Variants in DPH6 observed in about 807,000 individuals in gnomAD.
DPH6 encodes diphthine--ammonia ligase.
DPH6 carries 33 observed loss-of-function variants against 38.2 expected under a neutral mutation model. That is an observed-to-expected ratio of 0.86 (90% CI 0.65 to 1.15). The LOEUF (loss-of-function observed/expected upper bound fraction) is 1.15. Among genes scored for constraint, DPH6 ranks in the 50% most tolerant of loss-of-function variants. The probability of loss-of-function intolerance (pLI) is 0.00; values close to 1 mark genes in which losing one functional copy is unlikely to be tolerated. For missense variants in DPH6, 325 were observed against 320.0 expected (o/e 1.02, Z -0.12); for synonymous variants, 108 against 103.0 (o/e 1.05, Z -0.30).
chr15:35,236,435 G>A (rs973407171), intron 3 of DPH6, among the ~76,000 whole-genome samples: 1 of 152,120 alleles, frequency 6.6e-6, no homozygotes, highest in Middle Eastern at 3.4e-3. Context: ...TCAGGAGATC[G>A]AGACCATCCG....
At chr15:35,480,415 C>T (rs1329616257) in intron 3 of DPH6, among the ~76,000 whole-genome samples, 1 of 151,986 alleles carries the variant, frequency 6.6e-6, no homozygotes, top group Non-Finnish European at 1.5e-5. Flanking sequence ...ACAAGCTTTC[C>T]AATATTTAAT....
chr15:35,414,477 A>G (rs2141000933), intron 5 of DPH6, among the ~76,000 whole-genome samples: 1 of 151,966 alleles, frequency 6.6e-6, no homozygotes, highest in South Asian at 2.1e-4. Context: ...GCACATGTTT[A>G]TTTTAATTAG....
At chr15:35,274,106 A>G (rs911213445) in intron 3 of DPH6, among the ~76,000 whole-genome samples, 1 of 152,236 alleles carries the variant, frequency 6.6e-6, no homozygotes, top group African/African-American at 2.4e-5. Context: ...CCACATGTCT[A>G]CAACCATCTG....
chr15:35,338,313 A>G (rs1038796845), intron 3 of DPH6, among the ~76,000 whole-genome samples: 152 of 152,124 alleles, frequency 1.0e-3, no homozygotes, highest in Middle Eastern at 3.4e-3. Flanking sequence ...AGAATCTACA[A>G]TGAACTCAAA....
chr15:35,506,455 C>CT (rs1324892234), intron 3 of DPH6, among the ~76,000 whole-genome samples: 2 of 152,108 alleles, frequency 1.3e-5, no homozygotes. Flanking sequence ...AAAGAAGAGT[C>CT]TGAGTGCCAG....
the DPH6 span, among the ~76,000 whole-genome samples, chr15:35,162,724 C>A: frequency 6.6e-6 from 1 of 151,850 alleles, no homozygotes; most frequent in Non-Finnish European, 1.5e-5. Flanking sequence ...AGATGTTTGT[C>A]TTTACCACTG....
intron 3 of DPH6, among the ~76,000 whole-genome samples, chr15:35,480,115 TG>T (rs2054309556): frequency 6.6e-6 from 1 of 151,926 alleles, no homozygotes; most frequent in Non-Finnish European, 1.5e-5. Context: ...TATTAAACTT[TG>T]AAAAAAAACA....
At chr15:35,402,540 A>T (rs2053234189) in intron 6 of DPH6, among the ~76,000 whole-genome samples, 1 of 152,178 alleles carries the variant, frequency 6.6e-6, no homozygotes, top group African/African-American at 2.4e-5. Flanking sequence ...ATAGTTCTAA[A>T]CCTTTAATAG....
In DPH6 at chr15:35,538,371, C is replaced by T. The variant is rs374490007; in HGVS notation, c.215G>A (p.Arg72Gln). Residue 72 changes from arginine (R) to glutamine (Q), a missense_variant, in exon 3 of 9, where the codon CGA (arginine) becomes CAA (glutamine). Transcript: ENST00000256538. Reference protein sequence around the residue: ...AEAMALPLYRRTIRGRSLDTR... With the variant: ...AEAMALPLYRQTIRGRSLDTR... ...ATCCAAGCTCCTTCCTCTTATGGTT[C>T]GGCGATAGAGGGGAAGAGCCATTGC... 6.1e-5 allele frequency: 98 copies of T among 1,611,572 alleles called. No homozygotes were observed. The highest frequency in any genetic ancestry group is 9.3e-5 in the African/African-American group (7 of 74,986).
chr15:35,516,839 C>T (rs1308271801), intron 3 of DPH6, among the ~76,000 whole-genome samples: 2 of 152,016 alleles, frequency 1.3e-5, no homozygotes, highest in Admixed American at 6.6e-5. Context: ...GAGGTGTCTG[C>T]CTCACTTTAA....
intron 3 of DPH6, among the ~76,000 whole-genome samples, chr15:35,333,159 A>G (rs1362064395): frequency 6.6e-6 from 1 of 152,194 alleles, no homozygotes; most frequent in Non-Finnish European, 1.5e-5. Context: ...CTAAAACTTA[A>G]AAAAGTGAGC....
chr15:35,283,200 TTC>T (rs2051913889), intron 3 of DPH6, among the ~76,000 whole-genome samples: 1 of 147,584 alleles, frequency 6.8e-6, no homozygotes, highest in South Asian at 2.3e-4. Flanking sequence ...TCTCTTCTTC[TTC>T]TTTCTTCCTC....
intron 3 of DPH6, among the ~76,000 whole-genome samples, chr15:35,337,785 T>C (rs1340771425): frequency 6.6e-6 from 1 of 152,018 alleles, no homozygotes; most frequent in African/African-American, 2.4e-5. Context: ...CAAACTATAC[T>C]ACAAGGCTAC....
chr15:35,266,683 T>C (rs567302281), intron 3 of DPH6, among the ~76,000 whole-genome samples: 1 of 152,340 alleles, frequency 6.6e-6, no homozygotes, highest in African/African-American at 2.4e-5. Flanking sequence ...ACTTCCATTA[T>C]GATTTTATTT....
intron 5 of DPH6, among the ~76,000 whole-genome samples, chr15:35,420,559 C>T (rs1018491663): frequency 4.6e-5 from 7 of 152,040 alleles, no homozygotes; most frequent in African/African-American, 9.7e-5. Flanking sequence ...CTCTGTTGCC[C>T]GGGCTGGAGT....
chr15:35,300,175 A>G (rs1186371247), intron 3 of DPH6, among the ~76,000 whole-genome samples: 1 of 152,228 alleles, frequency 6.6e-6, no homozygotes, highest in Non-Finnish European at 1.5e-5. Flanking sequence ...TGGAAGATGG[A>G]GCACAGTGAA....
At chr15:35,532,367 C>T (rs1406020363) in intron 3 of DPH6, among the ~76,000 whole-genome samples, 1 of 152,134 alleles carries the variant, frequency 6.6e-6, no homozygotes, top group Non-Finnish European at 1.5e-5. Context: ...AGGAGGCTCT[C>T]GCATAGTACA....
intron 3 of DPH6, among the ~76,000 whole-genome samples, chr15:35,227,551 G>A (rs1480951403): frequency 1.3e-5 from 2 of 151,358 alleles, no homozygotes; most frequent in Non-Finnish European, 2.9e-5. Flanking sequence ...CTGGCTAAAG[G>A]TTTGTCAATT....
At chr15:35,250,853 A>T (rs1358402964) in intron 3 of DPH6, among the ~76,000 whole-genome samples, 1 of 152,234 alleles carries the variant, frequency 6.6e-6, no homozygotes, top group Non-Finnish European at 1.5e-5. Context: ...TTTCACTATC[A>T]TTCTAACACT....
Sources: gnomAD v4.1 joint callset for allele counts (sites outside exome capture counted in the v4.1 genomes callset) on GRCh38, gnomAD v4.1.1 for gene constraint, MANE v1.5 for transcripts, NCBI Gene and HGNC (gene_info 2026-07-23, HGNC 2026-07-21) for gene names.